Variants in GRIP1 observed in about 807,000 individuals in gnomAD.
The protein encoded by GRIP1 is glutamate receptor interacting protein 1.
GRIP1 carries 45 observed loss-of-function variants against 129.9 expected under a neutral mutation model. The ratio of observed to expected loss-of-function variants is 0.35; its 90% CI spans 0.27 to 0.44. The LOEUF is 0.44. GRIP1 is among the 20% of genes least tolerant of loss of function. The pLI, the probability that GRIP1 is intolerant of heterozygous loss-of-function variation, is 1.00. For missense variants in GRIP1, 1,196 were observed against 1,396.8 expected, an observed-to-expected ratio of 0.86 and a Z score of 2.29; for synonymous variants, 530 against 520.8, an observed-to-expected ratio of 1.02 and a Z score of -0.24.
At chr12:66,679,991 C>T (rs2034522231), upstream of GRIP1, among the ~76,000 whole-genome samples, 1 of 151,992 alleles carries the variant, frequency 6.6e-6, no homozygotes. Context: ...GCCATATAGT[C>T]AATACGAACT....
intron 1 of GRIP1, among the ~76,000 whole-genome samples, chr12:66,857,228 T>A (rs1320354571): frequency 2.9e-5 from 3 of 102,112 alleles, no homozygotes; most frequent in East Asian, 2.9e-4. Flanking sequence ...TGTTGTGGGG[T>A]GGGGGGAAGG....
chr12:66,688,647 G>T (rs147812585), intron 1 of GRIP1, among the ~76,000 whole-genome samples: 124 of 151,922 alleles, frequency 8.2e-4, no homozygotes, highest in African/African-American at 2.8e-3. Flanking sequence ...AAACCCAGAA[G>T]GGTCCTTTTC....
intron 1 of GRIP1, among the ~76,000 whole-genome samples, chr12:66,675,197 G>C (rs1343773199): frequency 1.3e-5 from 2 of 152,200 alleles, no homozygotes; most frequent in African/African-American, 4.8e-5. Flanking sequence ...GACAGAGAGA[G>C]AGGGTGGGTG....
chr12:66,623,896 A>T (rs1272823283), intron 1 of GRIP1, among the ~76,000 whole-genome samples: 1 of 152,136 alleles, frequency 6.6e-6, no homozygotes, highest in Non-Finnish European at 1.5e-5. Context: ...GAATATATGA[A>T]TTTTTTCTTT....
At chr12:66,527,686 T>C (rs117464210) in intron 5 of GRIP1, among the ~76,000 whole-genome samples, 1 of 151,410 alleles carries the variant, frequency 6.6e-6, no homozygotes, top group African/African-American at 2.4e-5. Flanking sequence ...ATAACAAAAT[T>C]AAAAAAAAAT....
At chr12:66,507,951 T>C (rs2060587148) in intron 7 of GRIP1, among the ~76,000 whole-genome samples, 1 of 152,138 alleles carries the variant, frequency 6.6e-6, no homozygotes, top group East Asian at 1.9e-4. Flanking sequence ...TGTAGGGCAT[T>C]TCTAAGGAAA....
chr12:66,999,380 TAG>T (rs1332700672), intron 1 of GRIP1, among the ~76,000 whole-genome samples: 5 of 152,124 alleles, frequency 3.3e-5, no homozygotes, highest in Non-Finnish European at 7.4e-5. Context: ...ACCCTGGTGG[TAG>T]AGTCTTACTA....
chr12:66,526,410 C>T (rs916289008), intron 5 of GRIP1, among the ~76,000 whole-genome samples: 1 of 152,082 alleles, frequency 6.6e-6, no homozygotes, highest in Non-Finnish European at 1.5e-5. Flanking sequence ...ACAAACCTGA[C>T]TAAAACAAGA....
Position 66,779,937 on chromosome 12 carries a change from T to C in GRIP1, c.-420+24116A>G, listed in dbSNP as rs1398648909. 4.6e-5 allele frequency among the ~76,000 whole-genome samples: 7 copies of C among 152,326 alleles called. No homozygotes were observed. The East Asian group carries it at 1.2e-3, about 25-fold the overall frequency. On this transcript the variant is annotated intron_variant, in intron 1 of 4. Coordinates refer to the GRIP1 transcript ENST00000538373. ...ACTATATTCAGGAAGTACATTCCAA[T>C]TGAAAGGCCCTAAAGCAAAGTTAAA...
intron 1 of GRIP1, chr12:66,647,469 G>C (rs1286111406): frequency 7.2e-5 from 11 of 152,120 alleles, no homozygotes; most frequent in Admixed American, 7.2e-4. Context: ...AGAAAACTAT[G>C]AATCACCTTC....
rs60605218 is a variant in GRIP1, at chr12:66,492,495, C to T, written c.724+23124G>A. Among the ~76,000 whole-genome samples the T allele has an allele frequency of 7.5e-3, 1,146 of 152,092 alleles. 17 individuals are homozygous for T. The highest frequency in any genetic ancestry group is 0.027 in the African/African-American group (1,101 of 41,470). On this transcript the variant is annotated intron_variant, in intron 7 of 24. Coordinates refer to ENST00000359742, the MANE Select transcript of GRIP1 (RefSeq NM_001366722.1). ...AGCCTGACCAGGGAATCAAGAGAGCCAAGGCACTGAGAGGCACCAGCTGAG... is the reference window on the plus strand; with the variant it reads ...AGCCTGACCAGGGAATCAAGAGAGCTAAGGCACTGAGAGGCACCAGCTGAG...
At chr12:66,741,611 ATATT>A (rs768137807) in intron 1 of GRIP1, among the ~76,000 whole-genome samples, 12 of 152,236 alleles carry the variant, frequency 7.9e-5, no homozygotes, top group East Asian at 1.9e-4. Flanking sequence ...AATTTTAATA[ATATT>A]TATTTAATGC....
At chr12:66,767,218 T>C (rs137917395) in intron 1 of GRIP1, among the ~76,000 whole-genome samples, 12 of 152,316 alleles carry the variant, frequency 7.9e-5, no homozygotes, top group East Asian at 1.9e-4. Context: ...ATACTATTTT[T>C]TGCCACGAAG....
chr12:66,815,821 T>TTTCTTTCTTTCTTTCC lies in GRIP1; in HGVS notation c.59-218895_59-218894insGGAAAGAAAGAAAGAA, dbSNP rs1297889269. ...GGAGTGGCTTAAACAAGATGAAAGA[T>TTTCTTTCTTTCTTTCC]TTCTTTCTTTCTTTCTTTCTTTCTT... On this transcript the variant is annotated intron_variant, in intron 1 of 1. Transcript: ENST00000643019. Among the ~76,000 whole-genome samples the TTTCTTTCTTTCTTTCC allele has an allele frequency of 6.3e-4, 45 of 71,064 alleles. 1 individual carries two copies. Among genetic ancestry groups the TTTCTTTCTTTCTTTCC allele is most frequent in the Non-Finnish European group, 9.8e-4 (43 of 43,772 alleles). The allele number at this position is 71,064 out of a possible 152,430, so 46.6% of individuals were successfully genotyped here. A position where few individuals can be genotyped will look rare whatever the true frequency, so the allele number is the denominator to read the frequency against.
At position 66,931,084 on chromosome 12, in the gene GRIP1, T is replaced by C. The variant is rs576242670; in HGVS notation, c.58+137966A>G. Reference sequence around the variant, plus strand: ...GTTTTCCGAACTTACTGTCTTCAACTAGATATTGACTGTCAAGAGGACAGA... The same window carrying C: ...GTTTTCCGAACTTACTGTCTTCAACCAGATATTGACTGTCAAGAGGACAGA... On this transcript the variant is annotated intron_variant, in intron 1 of 1. Coordinates refer to the GRIP1 transcript ENST00000643019. 2.6e-5 allele frequency among the ~76,000 whole-genome samples: 4 copies of C among 152,312 alleles called. No homozygotes were observed. In the East Asian group the frequency reaches 7.7e-4, roughly 29 times the overall value.
rs1240178893 is a variant in GRIP1 at position 66,999,312 on chromosome 12, C to T, written c.58+69738G>A. On this transcript the variant is annotated intron_variant, in intron 1 of 1. Coordinates refer to the GRIP1 transcript ENST00000643019. ...ATAACTAAGACCCAGGGAAGTTATG[C>T]AACTTGCCCAAGGCCACCCACATAA... Among the ~76,000 whole-genome samples the T allele has an allele frequency of 2.0e-5, 3 of 152,248 alleles. No individual in the cohort carries two copies. The East Asian group carries it at 5.8e-4, about 29-fold the overall frequency.
chr12:66,785,017 C>A (rs1342911234), intron 1 of GRIP1, among the ~76,000 whole-genome samples: 1 of 152,116 alleles, frequency 6.6e-6, no homozygotes, highest in Non-Finnish European at 1.5e-5. Context: ...TTTCTTATCA[C>A]ATCTGAAAGC....
At chr12:66,872,328 C>T (rs771020939) in intron 1 of GRIP1, among the ~76,000 whole-genome samples, 2 of 152,026 alleles carry the variant, frequency 1.3e-5, no homozygotes, top group Non-Finnish European at 2.9e-5. Flanking sequence ...CAGGCAACAG[C>T]ACAGGTTGCA....
At chr12:66,890,775 A>G (rs1464879062) in intron 1 of GRIP1, among the ~76,000 whole-genome samples, 4 of 152,226 alleles carry the variant, frequency 2.6e-5, no homozygotes, top group Non-Finnish European at 1.5e-5. Context: ...TTATCTGCCT[A>G]AAGAAGAATT....
Sources: allele counts gnomAD v4.1 joint callset (sites outside exome capture counted in the v4.1 genomes callset), GRCh38; gene constraint gnomAD v4.1.1; transcripts MANE v1.5; gene names NCBI Gene and HGNC (gene_info 2026-07-23, HGNC 2026-07-21).